The following ADGRE1 variants were observed in gnomAD, a reference collection of about 807,000 sequenced individuals.
ADGRE1 encodes adhesion G protein-coupled receptor E1.
ADGRE1 carries 82 observed loss-of-function variants against 102.7 expected under a neutral mutation model. The observed-to-expected ratio is 0.80, with a 90% CI of 0.67 to 0.96. The LOEUF is 0.96. Among genes scored for constraint, ADGRE1 ranks in the 40% least tolerant of loss-of-function variants. ADGRE1 has a pLI of 0.00. For synonymous variants in ADGRE1, 398 were observed against 399.6 expected (o/e 1.00, Z 0.05); for missense variants, 1,032 against 1,085.3 (o/e 0.95, Z 0.69).
intron 15 of ADGRE1, among the ~76,000 whole-genome samples, chr19:6,925,113 T>TTTTG (rs889199868): frequency 8.6e-5 from 13 of 152,030 alleles, no homozygotes; most frequent in East Asian, 1.9e-4. Flanking sequence ...TATTACTTGT[T>TTTTG]TTTGTTTGTT....
intron 2 of ADGRE1, among the ~76,000 whole-genome samples, chr19:6,890,925 G>C (rs997378350): frequency 3.3e-5 from 5 of 151,330 alleles, no homozygotes; most frequent in Admixed American, 3.3e-4. Flanking sequence ...AACTCAATGT[G>C]CAAAAAAAAA....
At chr19:6,889,189 G>A (rs1453610011) in intron 1 of ADGRE1, among the ~76,000 whole-genome samples, 1 of 151,692 alleles carries the variant, frequency 6.6e-6, no homozygotes, top group East Asian at 1.9e-4. Context: ...TGAAGATGGT[G>A]ATGTTGGTGA....
intron 1 of ADGRE1, among the ~76,000 whole-genome samples, chr19:6,887,996 A>T (rs2144868213): frequency 6.6e-6 from 1 of 152,342 alleles, no homozygotes; most frequent in Non-Finnish European, 1.5e-5. Flanking sequence ...ATCATAGCCC[A>T]CTTAGCACTG....
rs535564206 is a variant in ADGRE1 at position 6,919,337 on chromosome 19, T to G, written c.1421-211T>G. ...GAGCCACCATGCCCGGCCAGAGGTT[T>G]TTTTTTTTTAATGGTTCTAGAAGCC... On this transcript the variant is annotated intron_variant, in intron 12 of 20. Coordinates refer to ENST00000312053, the MANE Select transcript of ADGRE1 (RefSeq NM_001974.5). 7.9e-5 allele frequency among the ~76,000 whole-genome samples: 12 copies of G among 151,424 alleles called. No homozygotes were observed. In the East Asian group the frequency reaches 1.2e-3, roughly 15 times the overall value.
Position 6,919,721 on chromosome 19 carries a change from A to G in ADGRE1, c.1594A>G (p.Ile532Val), listed in dbSNP as rs745585098. 8.1e-6 allele frequency: 13 copies of G among 1,612,940 alleles called. No homozygotes were observed. Among genetic ancestry groups the G allele is most frequent in the South Asian group, 1.1e-5 (1 of 91,022 alleles). Residue 532 changes from isoleucine (I) to valine (V), a missense_variant, in exon 13 of 21, where the codon ATC (isoleucine) becomes GTC (valine). Ile to Val is a conservative substitution (Grantham distance 29). Coordinates refer to ENST00000312053, the MANE Select transcript of ADGRE1 (RefSeq NM_001974.5). ...GEKKDGFSDP[I>V]IYTLENIQPK... is the part of the protein sequence containing the mutation. The stretch of plus-strand genomic sequence containing the variant: ...GAAGAAAGACGGCTTCTCAGATCCA[A>G]TCATCTACACTCTGGAGAACATTCA...
At chr19:6,898,817 T>C (rs1973665162) in intron 5 of ADGRE1, 1 of 428,974 alleles carries the variant, frequency 2.3e-6, no homozygotes, top group Non-Finnish European at 4.2e-6. Context: ...AAATATATAG[T>C]TGCCTATATA....
chr19:6,889,579 C>T lies in ADGRE1; in HGVS notation c.32-902C>T, dbSNP rs1446527125. On this transcript the variant is annotated intron_variant, in intron 1 of 20. Coordinates refer to ENST00000312053, the MANE Select transcript of ADGRE1 (RefSeq NM_001974.5). Reference sequence around the variant, plus strand: ...TGGTGCGTGCTTGTAATCCCAGCTACTCGGGAGGCTGAGGCAGGAGAATAG... The same window carrying T: ...TGGTGCGTGCTTGTAATCCCAGCTATTCGGGAGGCTGAGGCAGGAGAATAG... 4.0e-5 allele frequency among the ~76,000 whole-genome samples: 6 copies of T among 149,358 alleles called. No individual in the cohort carries two copies. In the East Asian group the frequency reaches 9.9e-4, roughly 25 times the overall value.
At chr19:6,934,413 C>CTTTT (rs1568365454) in intron 17 of ADGRE1, among the ~76,000 whole-genome samples, 1 of 136,278 alleles carries the variant, frequency 7.3e-6, no homozygotes, top group Non-Finnish European at 1.5e-5. Context: ...AATTCTTCTT[C>CTTTT]TTCTTCTTTT....
At chr19:6,901,804 T>A in intron 5 of ADGRE1, 71 bp from the exon 6 acceptor site, 8 of 1,511,186 alleles carry the variant, frequency 5.3e-6, no homozygotes, top group Non-Finnish European at 7.3e-6. Context: ...TCAGAGTGCA[T>A]CTCCTATTTG....
At chr19:6,919,782 A>G in intron 13 of ADGRE1, 35 bp downstream of exon 13, 1 of 1,598,890 alleles carries the variant, frequency 6.3e-7, no homozygotes, top group South Asian at 1.1e-5. Context: ...ATTCTTGTCT[A>G]CCTGTTGGGA....
intron 1 of ADGRE1, among the ~76,000 whole-genome samples, chr19:6,889,202 ATGG>A (rs1286279313): frequency 4.0e-5 from 6 of 151,094 alleles, no homozygotes; most frequent in Non-Finnish European, 8.9e-5. Flanking sequence ...GTTGGTGATT[ATGG>A]TGGTGATGAT....
intron 3 of ADGRE1, 180 bp downstream of exon 3, chr19:6,896,721 G>T (rs1973566797): frequency 1.5e-6 from 1 of 659,160 alleles, no homozygotes; most frequent in Non-Finnish European, 2.5e-6. Context: ...ATGTGGGGGT[G>T]TTGTTACTGT....
intron 14 of ADGRE1, among the ~76,000 whole-genome samples, chr19:6,924,469 G>A (rs1599756441): frequency 2.0e-5 from 3 of 152,150 alleles, no homozygotes; most frequent in South Asian, 4.1e-4. Flanking sequence ...ATGGAGTAAC[G>A]CATAGGACAG....
At position 6,940,327 on chromosome 19, in the gene ADGRE1, A is replaced by G. The variant is rs1975619986; in HGVS notation, c.*298A>G. 2.2e-5 allele frequency: 11 copies of G among 507,508 alleles called. 1 individual carries two copies. In the South Asian group the frequency reaches 2.5e-4, roughly 12 times the overall value. 31.4% of individuals were successfully genotyped at this position (507,508 alleles called of 1,614,324 possible). A position where few individuals can be genotyped will look rare whatever the true frequency, so the allele number is the denominator to read the frequency against. ...GCATGACCAAGAACACCTGGCTACC[A>G]TTTTGTTTTCTCCTGCCCTTGTTGG... On this transcript the variant is annotated 3_prime_UTR_variant, in exon 21 of 21. Transcript: ENST00000312053.
chr19:6,928,366 C>T, intron 17 of ADGRE1, 155 bp downstream of exon 17: 1 of 1,498,176 alleles, frequency 6.7e-7, no homozygotes, highest in South Asian at 1.3e-5. Flanking sequence ...TGGCTCACGC[C>T]TGTAATCCCA....
chr19:6,926,288 G>A, intron 15 of ADGRE1, 78 bp from the exon 16 acceptor site: 2 of 1,488,442 alleles, frequency 1.3e-6, no homozygotes, highest in Non-Finnish European at 9.2e-7. Context: ...TTCCAGCCGA[G>A]GAGTCTCTCT....
In ADGRE1 at chr19:6,919,674, T is replaced by C. The variant is rs1974557690; in HGVS notation, c.1547T>C (p.Val516Ala). ...AAGCTGAAGATGAATTCTCGAGTCG[T>C]TGGGGGCATAATGACTGGAGAGAAG... is the stretch of plus-strand genomic sequence containing the variant. ...EIKLKMNSRV[V>A]GGIMTGEKKD... is the part of the protein sequence containing the mutation. The change falls in exon 13 of 21, where the codon GTT becomes GCT. Residue 516 changes from valine (V) to alanine (A), a missense_variant. Transcript: ENST00000312053. 13 of 1,613,352 alleles carry C rather than the reference T, an allele frequency of 8.1e-6. No homozygotes were observed. Among genetic ancestry groups the C allele is most frequent in the Non-Finnish European group, 1.1e-5 (13 of 1,179,830 alleles).
intron 18 of ADGRE1, among the ~76,000 whole-genome samples, chr19:6,935,819 G>A (rs371707629): frequency 8.5e-5 from 13 of 152,258 alleles, no homozygotes; most frequent in South Asian, 6.2e-4. Flanking sequence ...TGTTTCCGAC[G>A]GTGAGAATAC....
intron 16 of ADGRE1, among the ~76,000 whole-genome samples, chr19:6,927,579 G>A (rs1225468194): frequency 6.6e-5 from 10 of 152,166 alleles, no homozygotes; most frequent in Admixed American, 6.5e-4. Context: ...GCAGAGACAG[G>A]TTGCCCTATC....
Sources: gnomAD v4.1 joint callset for allele counts (sites outside exome capture counted in the v4.1 genomes callset) on GRCh38, gnomAD v4.1.1 for gene constraint, MANE v1.5 for transcripts, NCBI Gene and HGNC (gene_info 2026-07-23, HGNC 2026-07-21) for gene names.